Variants in DDX1 observed in about 807,000 individuals in gnomAD.
DDX1 encodes ATP-dependent RNA helicase DDX1.
Under a neutral mutation model 108.7 loss-of-function variants are expected in DDX1, and 28 were observed. The ratio of observed to expected loss-of-function variants is 0.26; its 90% CI spans 0.19 to 0.35. The LOEUF (loss-of-function observed/expected upper bound fraction) is 0.35, where lower values mean the gene tolerates loss of function less well. DDX1 is among the 10% of genes least tolerant of loss of function. DDX1 has a pLI of 1.00. For synonymous variants in DDX1, 295 were observed against 288.9 expected, an observed-to-expected ratio of 1.02 and a Z score of -0.21; for missense variants, 710 against 884.5, an observed-to-expected ratio of 0.80 and a Z score of 2.50.
intron 16 of DDX1, among the ~76,000 whole-genome samples, chr2:15,619,314 C>T (rs1413814508): frequency 6.6e-6 from 1 of 152,232 alleles, no homozygotes; most frequent in African/African-American, 2.4e-5. Flanking sequence ...CAGTGGCGGG[C>T]AAGAGCGGCA....
chr2:15,617,566 A>G (rs1316581634), intron 15 of DDX1, among the ~76,000 whole-genome samples: 1 of 152,166 alleles, frequency 6.6e-6, no homozygotes, highest in Non-Finnish European at 1.5e-5. Flanking sequence ...ATGTAATGTC[A>G]TAAGTATTTC....
intron 7 of DDX1, among the ~76,000 whole-genome samples, 183 bp from the exon 8 acceptor site, chr2:15,603,008 GC>G (rs778810531): frequency 2.0e-5 from 3 of 152,172 alleles, no homozygotes; most frequent in Non-Finnish European, 2.9e-5. Flanking sequence ...ACTATGCCTG[GC>G]CCATGAGTTT....
rs556992589 is a variant in DDX1 at position 15,593,684 on chromosome 2, A to C, written c.17-1461A>C. ...GTTTGCATTTTAGGAGAGAGAACAT[A>C]GACTGTAATACAGGTTAATTCTTAG... On this transcript the variant is annotated intron_variant, in intron 1 of 25. Transcript: ENST00000233084. 1.9e-3 allele frequency among the ~76,000 whole-genome samples: 286 copies of C among 152,326 alleles called. 1 individual carries two copies. Among genetic ancestry groups the C allele is most frequent in the African/African-American group, 6.4e-3 (267 of 41,568 alleles).
intron 13 of DDX1, among the ~76,000 whole-genome samples, chr2:15,611,810 G>A (rs1305296608): frequency 2.0e-5 from 2 of 98,084 alleles, no homozygotes; most frequent in Non-Finnish European, 3.9e-5. Context: ...CCTCCCTCCC[G>A]GACGGGGCGG....
chr2:15,609,537 T>C (rs1252609701), intron 13 of DDX1, among the ~76,000 whole-genome samples: 2 of 152,246 alleles, frequency 1.3e-5, no homozygotes, highest in East Asian at 3.8e-4. Flanking sequence ...AGAGCTATAC[T>C]TGCTTTAAGT....
At chr2:15,592,495 A>G (rs1044407963) in intron 1 of DDX1, among the ~76,000 whole-genome samples, 1 of 152,238 alleles carries the variant, frequency 6.6e-6, no homozygotes, top group South Asian at 2.1e-4. Flanking sequence ...ATCAACATTA[A>G]TGTTCAGTGT....
chr2:15,621,353 C>T lies in DDX1; in HGVS notation c.1447+237C>T, dbSNP rs746405496. 4 of 430,674 alleles carry T rather than the reference C, an allele frequency of 9.3e-6. No homozygotes were observed. The South Asian group carries it at 1.1e-4, about 12-fold the overall frequency. The allele number at this position is 430,674 out of a possible 1,614,324, so 26.7% of individuals were successfully genotyped here. Reference sequence around the variant, plus strand: ...CAGAGTCATGTTCTTGTCACCCAAGCTGGAGTGCAATGGCACAGTCTCAGC... The same window carrying T: ...CAGAGTCATGTTCTTGTCACCCAAGTTGGAGTGCAATGGCACAGTCTCAGC... On this transcript the variant is annotated intron_variant, in intron 18 of 25. Transcript: ENST00000233084.
At position 15,620,698 on chromosome 2, in the gene DDX1, G is replaced by T. The variant is rs112764548; in HGVS notation, c.1395+302G>T. Among the ~76,000 whole-genome samples the T allele has an allele frequency of 7.2e-3, 1,101 of 152,162 alleles. 14 individuals carry two copies. Among genetic ancestry groups the T allele is most frequent in the African/African-American group, 0.025 (1,052 of 41,542 alleles). ...CATTTTTAGTAGTATTTTAGTAGGA[G>T]CCCTCATCTGTGTCCTCTTGATGTA... is the stretch of plus-strand genomic sequence containing the variant. On this transcript the variant is annotated intron_variant, in intron 17 of 25. Transcript: ENST00000233084.
chr2:15,621,659 T>TG (rs936951845), intron 18 of DDX1, among the ~76,000 whole-genome samples: 21 of 151,704 alleles, frequency 1.4e-4, no homozygotes, highest in East Asian at 1.2e-3. Flanking sequence ...CTTTTTTTTT[T>TG]TTTGTTTTTT....
At position 15,627,038 on chromosome 2, in the gene DDX1, A is replaced by T; in HGVS notation, c.1595-16A>T. ...AAGATTTTCCAAGGTTAAATGCTTA[A>T]TGTGCTTTTCACTAGGACCTGATAA... On this transcript the variant is annotated splice_polypyrimidine_tract_variant and intron_variant, in intron 19 of 25. Coordinates refer to ENST00000233084, the MANE Select transcript of DDX1 (RefSeq NM_004939.3). 6.4e-7 allele frequency: 1 copy of T among 1,561,280 alleles called. No homozygotes were observed. The highest frequency in any genetic ancestry group is 1.7e-4 in the Middle Eastern group (1 of 5,888).
intron 3 of DDX1, among the ~76,000 whole-genome samples, chr2:15,595,839 T>C (rs562664130): frequency 6.6e-6 from 1 of 152,286 alleles, no homozygotes; most frequent in East Asian, 1.9e-4. Flanking sequence ...AGTTGTCCTT[T>C]TGCTTGAAGG....
intron 14 of DDX1, 32 bp downstream of exon 14, chr2:15,613,316 T>G (rs773382615): frequency 2.1e-6 from 3 of 1,458,066 alleles, no homozygotes; most frequent in African/African-American, 2.9e-5. Flanking sequence ...TAAAACATAA[T>G]GTCATGGGCT....
At chr2:15,601,590 A>G (rs1374176230) in intron 6 of DDX1, among the ~76,000 whole-genome samples, 1 of 152,236 alleles carries the variant, frequency 6.6e-6, no homozygotes. Flanking sequence ...AAGTACAGGA[A>G]GGGGCTTGGA....
chr2:15,614,540 G>A (rs773968953), intron 14 of DDX1, among the ~76,000 whole-genome samples: 6 of 152,282 alleles, frequency 3.9e-5, no homozygotes, highest in Middle Eastern at 3.4e-3. Context: ...GCTTTTAACA[G>A]ATGATTAGAT....
chr2:15,617,899 G>C (rs1411152079), intron 15 of DDX1, among the ~76,000 whole-genome samples: 1 of 152,138 alleles, frequency 6.6e-6, no homozygotes, highest in African/African-American at 2.4e-5. Context: ...AAGGATATAT[G>C]TTAGAAGCTG....
At position 15,595,474 on chromosome 2, in the gene DDX1, A is replaced by G; in HGVS notation, c.69-16A>G. The G allele has an allele frequency of 6.2e-7, 1 of 1,603,530 alleles. No individual in the cohort carries two copies. Among genetic ancestry groups the G allele is most frequent in the Non-Finnish European group, 8.5e-7 (1 of 1,170,914 alleles). On this transcript the variant is annotated splice_polypyrimidine_tract_variant and intron_variant, in intron 2 of 25. Coordinates refer to ENST00000233084, the MANE Select transcript of DDX1 (RefSeq NM_004939.3). ...TTTCCCCAGTAACTAAAATTCTTCA[A>G]ATATGATTCTTTTAGCCTCCCAACT...
intron 19 of DDX1, among the ~76,000 whole-genome samples, chr2:15,624,909 A>G (rs1201881735): frequency 6.6e-6 from 1 of 152,180 alleles, no homozygotes; most frequent in Non-Finnish European, 1.5e-5. Flanking sequence ...GCAGTCTTTT[A>G]TAAAGCTAAA....
In DDX1 at chr2:15,620,265, A is replaced by G. The variant is rs140166845; in HGVS notation, c.1264A>G (p.Ile422Val). ...SFDVKKLSEK[I>V]MHFPTWVDLK... Reference sequence around the variant, plus strand: ...CGATGTAAAGAAACTGTCCGAGAAGATAATGCATTTTCCTACATGGGTTGA... The same window carrying G: ...CGATGTAAAGAAACTGTCCGAGAAGGTAATGCATTTTCCTACATGGGTTGA... The change falls in exon 17 of 26, where the codon ATA becomes GTA. Residue 422 changes from isoleucine (I) to valine (V), a missense_variant. Transcript: ENST00000233084. The G allele has an allele frequency of 4.8e-5, 78 of 1,614,014 alleles. No homozygotes were observed. In the African/African-American group the frequency reaches 7.1e-4, roughly 15 times the overall value.
chr2:15,620,988 C>A, intron 17 of DDX1, 77 bp from the exon 18 acceptor site: 1 of 917,580 alleles, frequency 1.1e-6, no homozygotes, highest in South Asian at 1.5e-5. Context: ...ATAAATCTCC[C>A]TTTTAAAACA....
Sources: allele counts gnomAD v4.1 joint callset (sites outside exome capture counted in the v4.1 genomes callset), GRCh38; gene constraint gnomAD v4.1.1; transcripts MANE v1.5; gene names NCBI Gene and HGNC (gene_info 2026-07-23, HGNC 2026-07-21).